PLXNA4: variants seen among roughly 807,000 people sequenced by gnomAD.
PLXNA4 encodes plexin A4, also known as plexin-A4.
PLXNA4 carries 44 observed loss-of-function variants against 191.8 expected under a neutral mutation model. The ratio of observed to expected loss-of-function variants is 0.23; its 90% CI spans 0.18 to 0.29. The LOEUF is 0.29. Among genes scored for constraint, PLXNA4 ranks in the 10% least tolerant of loss-of-function variants. The pLI is 1.00. For synonymous variants in PLXNA4, 1,082 were observed against 1,009.5 expected (o/e 1.07, Z -1.36); for missense variants, 1,800 against 2,488.8 (o/e 0.72, Z 5.89).
rs142364977 is a variant in PLXNA4 at position 132,143,613 on chromosome 7, C to T, written c.5225+1506G>A. On this transcript the variant is annotated intron_variant, in intron 29 of 31. Coordinates refer to ENST00000321063, the MANE Select transcript of PLXNA4 (RefSeq NM_020911.2). ...GGCAGTAAGTAGGAAGACTCACTAA[C>T]AGAAGCAGATTGGTAGGCTGGGGAC... Among the ~76,000 whole-genome samples, 38 of 152,280 alleles carry T rather than the reference C, an allele frequency of 2.5e-4. No homozygotes were observed. The East Asian group carries it at 7.0e-3, about 28-fold the overall frequency.
chr7:132,393,168 A>G lies in PLXNA4; in HGVS notation c.1372-94946T>C, dbSNP rs573141711. Among the ~76,000 whole-genome samples the G allele has an allele frequency of 1.5e-4, 23 of 151,344 alleles. No homozygotes were observed. The East Asian group carries it at 4.5e-3, about 30-fold the overall frequency. The stretch of plus-strand genomic sequence containing the variant: ...GGCCTAGCTCATGCTTACCTTCTCT[A>G]TCAGCAACATTGACCCCCAACACCC... On this transcript the variant is annotated intron_variant, in intron 3 of 31. Coordinates refer to ENST00000321063, the MANE Select transcript of PLXNA4 (RefSeq NM_020911.2).
In PLXNA4 at chr7:132,457,797, A is replaced by G. The variant is rs137880250; in HGVS notation, c.1371+31495T>C. Among the ~76,000 whole-genome samples, 385 of 152,274 alleles carry G rather than the reference A, an allele frequency of 2.5e-3. 3 individuals are homozygous for G. The highest frequency in any genetic ancestry group is 8.8e-3 in the African/African-American group (364 of 41,546). On this transcript the variant is annotated intron_variant, in intron 3 of 31. Coordinates refer to ENST00000321063, the MANE Select transcript of PLXNA4 (RefSeq NM_020911.2). ...GGCAGTGTGAAGACAGAGGAAAGAG[A>G]TTTAAAGATGCTATGCCGTTGGCTT...
At chr7:132,553,976 T>C (rs1335424699) in intron 1 of PLXNA4, among the ~76,000 whole-genome samples, 1 of 151,990 alleles carries the variant, frequency 6.6e-6, no homozygotes, top group African/African-American at 2.4e-5. Context: ...CACACTACAG[T>C]GTATATCACC....
intron 4 of PLXNA4, among the ~76,000 whole-genome samples, chr7:132,275,355 T>C (rs958315912): frequency 2.0e-5 from 3 of 152,172 alleles, no homozygotes; most frequent in South Asian, 2.1e-4. Context: ...AATCAAGAAA[T>C]TGACATTTCT....
At chr7:132,522,913 G>A (rs1390621177) in intron 1 of PLXNA4, among the ~76,000 whole-genome samples, 6 of 152,126 alleles carry the variant, frequency 3.9e-5, no homozygotes, top group Admixed American at 3.9e-4. Context: ...AAAGCCTTCT[G>A]ACTTGTTCTG....
intron 2 of PLXNA4, among the ~76,000 whole-genome samples, chr7:132,634,469 C>T (rs1585419327): frequency 6.6e-6 from 1 of 151,908 alleles, no homozygotes; most frequent in African/African-American, 2.4e-5. Context: ...CCAGCACACA[C>T]ACACACACAC....
chr7:132,282,550 A>T (rs1470536922), intron 4 of PLXNA4, among the ~76,000 whole-genome samples: 1 of 137,130 alleles, frequency 7.3e-6, no homozygotes, highest in Admixed American at 8.2e-5. Context: ...GCAGTGAGCC[A>T]CGATTGCACC....
In PLXNA4 at chr7:132,211,029, C is replaced by G; in HGVS notation, c.2212G>C (p.Glu738Gln). The G allele has an allele frequency of 1.2e-6, 2 of 1,614,054 alleles. No homozygotes were observed. Among genetic ancestry groups the G allele is most frequent in the Admixed American group, 1.7e-5 (1 of 60,006 alleles). Residue 738 changes from glutamate (E) to glutamine (Q), a missense_variant, in exon 10 of 32, where the codon GAA (glutamate) becomes CAA (glutamine). By Grantham distance (29) the Glu-to-Gln change is conservative (BLOSUM62 2). Coordinates refer to ENST00000321063, the MANE Select transcript of PLXNA4 (RefSeq NM_020911.2). ...CTGCCCTGAATGTTGAGGATGCATT[C>G]GTAGCCACGCTGCCCAGACTGGGGC... ...PQPQSGQRGY[E>Q]CILNIQGSEQ... is the part of the protein sequence containing the mutation.
At chr7:132,151,052 G>C (rs1265542902) in intron 25 of PLXNA4, among the ~76,000 whole-genome samples, 1 of 152,218 alleles carries the variant, frequency 6.6e-6, no homozygotes, top group Non-Finnish European at 1.5e-5. Flanking sequence ...AATATGGAGA[G>C]AGGGGGCTGG....
At chr7:132,548,388 T>A (rs1800399512) in intron 1 of PLXNA4, among the ~76,000 whole-genome samples, 1 of 152,190 alleles carries the variant, frequency 6.6e-6, no homozygotes, top group African/African-American at 2.4e-5. Context: ...TTAAAAAATG[T>A]CCCACCATTT....
chr7:132,211,276 C>T (rs769254394), intron 9 of PLXNA4, 133 bp from the exon 10 acceptor site: 32 of 881,198 alleles, frequency 3.6e-5, no homozygotes, highest in South Asian at 5.2e-5. Flanking sequence ...CTGAGGTGCT[C>T]GTGCCCACCC....
intron 25 of PLXNA4, among the ~76,000 whole-genome samples, chr7:132,158,057 C>G (rs1156891850): frequency 1.3e-5 from 2 of 152,204 alleles, no homozygotes; most frequent in Non-Finnish European, 2.9e-5. Flanking sequence ...ACAGCATACT[C>G]AGAGACACCT....
intron 3 of PLXNA4, among the ~76,000 whole-genome samples, chr7:132,364,349 C>G (rs1040949052): frequency 2.3e-4 from 35 of 152,304 alleles, no homozygotes; most frequent in African/African-American, 8.2e-4. Context: ...TTTCTTTGTT[C>G]CCCAAAGCTC....
chr7:132,174,626 G>A (rs1796395105), intron 21 of PLXNA4, 152 bp downstream of exon 21: 2 of 1,220,004 alleles, frequency 1.6e-6, no homozygotes, highest in Non-Finnish European at 2.3e-6. Flanking sequence ...CTCTTCCAGA[G>A]GGATGGACTG....
chr7:132,165,288 G>A, intron 22 of PLXNA4, 88 bp from the exon 23 acceptor site: 1 of 1,523,026 alleles, frequency 6.6e-7, no homozygotes, highest in Non-Finnish European at 8.8e-7. Context: ...GGCAAGGGAG[G>A]AATTGTGCAT....
At chr7:132,609,357 A>G (rs1418932886) in intron 2 of PLXNA4, among the ~76,000 whole-genome samples, 1 of 152,140 alleles carries the variant, frequency 6.6e-6, no homozygotes, top group Admixed American at 6.5e-5. Context: ...TTGCTCCATC[A>G]TGTGGTTGTA....
chr7:132,201,619 G>A lies in PLXNA4; in HGVS notation c.2586+1027C>T, dbSNP rs1005361634. ...GGTAAAGAGGTATTGAGCACCTACT[G>A]TGTGCTCAGCCCTGAGCTGGAGGCA... On this transcript the variant is annotated intron_variant, in intron 12 of 31. Transcript: ENST00000321063. Among the ~76,000 whole-genome samples, 10 of 152,204 alleles carry A rather than the reference G, an allele frequency of 6.6e-5. 1 individual carries two copies. In the South Asian group the frequency reaches 1.5e-3, roughly 22 times the overall value.
At position 132,642,908 on chromosome 7, in the gene PLXNA4, A is replaced by T. The variant is rs971687160; in HGVS notation, c.-87+3020T>A. 3.3e-5 allele frequency among the ~76,000 whole-genome samples: 5 copies of T among 152,224 alleles called. No homozygotes were observed. The South Asian group carries it at 1.0e-3, about 32-fold the overall frequency. On this transcript the variant is annotated intron_variant, in intron 2 of 4. Transcript: ENST00000378539. ...AAGTGCTGGATGCAAAACAGTGAGT[A>T]TGATACGATATAATTTGTGTTAAAA...
At chr7:132,386,806 A>G (rs2116969739) in intron 3 of PLXNA4, among the ~76,000 whole-genome samples, 1 of 152,324 alleles carries the variant, frequency 6.6e-6, no homozygotes, top group African/African-American at 2.4e-5. Context: ...CAAAGACGGG[A>G]CACTTTTGTG....
Sources: allele counts gnomAD v4.1 joint callset (sites outside exome capture counted in the v4.1 genomes callset), GRCh38; gene constraint gnomAD v4.1.1; transcripts MANE v1.5; gene names NCBI Gene and HGNC (gene_info 2026-07-23, HGNC 2026-07-21).